The following QKI variants were observed in gnomAD, a reference collection of about 807,000 sequenced individuals.
The protein encoded by QKI is QKI, KH domain containing RNA binding.
QKI carries 10 observed loss-of-function variants against 39.0 expected under a neutral mutation model. That is an observed-to-expected ratio of 0.26 (90% confidence interval 0.16 to 0.43). The LOEUF (loss-of-function observed/expected upper bound fraction) is 0.43. Among genes scored for constraint, QKI ranks in the 20% least tolerant of loss-of-function variants. The pLI is 1.00. For missense variants in QKI, 218 were observed against 428.0 expected, an observed-to-expected ratio of 0.51 and a Z score of 4.33; for synonymous variants, 204 against 155.4, an observed-to-expected ratio of 1.31 and a Z score of -2.33.
chr6:163,521,605 C>G (rs1364730959), intron 3 of QKI, among the ~76,000 whole-genome samples: 1 of 152,138 alleles, frequency 6.6e-6, no homozygotes, highest in African/African-American at 2.4e-5. Context: ...TCACTGCAAC[C>G]TCTGCCTCCT....
intron 1 of QKI, among the ~76,000 whole-genome samples, chr6:163,451,664 G>T (rs1022850452): frequency 6.6e-6 from 1 of 152,136 alleles, no homozygotes; most frequent in Admixed American, 6.5e-5. Context: ...TGTACTATGC[G>T]TGATTAAGCA....
intron 2 of QKI, among the ~76,000 whole-genome samples, chr6:163,471,503 A>G (rs1255158282): frequency 6.6e-6 from 1 of 152,170 alleles, no homozygotes; most frequent in Non-Finnish European, 1.5e-5. Context: ...AAACAAAGGC[A>G]TATAAACTGG....
At position 163,415,268 on chromosome 6, in the gene QKI, G is replaced by A; in HGVS notation, c.75G>A (p.Lys25=). 1 of 1,597,512 alleles carries A rather than the reference G, an allele frequency of 6.3e-7. No homozygotes were observed. Among genetic ancestry groups the A allele is most frequent in the Admixed American group, 1.7e-5 (1 of 58,926 alleles). ...ACCTGATGCAGCTGATGAACGACAAGAAGCTCATGAGCAGCCTGCCCAACT... is the reference window on the plus strand; with the variant it reads ...ACCTGATGCAGCTGATGAACGACAAAAAGCTCATGAGCAGCCTGCCCAACT... ...PDYLMQLMND[K]KLMSSLPNFC... The change falls in exon 1 of 8, where the codon AAG becomes AAA. Residue 25 remains lysine, a synonymous_variant. Transcript: ENST00000361752.
chr6:163,442,100 C>T (rs912748563), intron 1 of QKI, among the ~76,000 whole-genome samples: 1 of 152,050 alleles, frequency 6.6e-6, no homozygotes, highest in South Asian at 2.1e-4. Context: ...CCAGAGGCTG[C>T]GTGCTATGTG....
chr6:163,488,396 A>C (rs903803581), intron 3 of QKI, among the ~76,000 whole-genome samples: 1 of 152,174 alleles, frequency 6.6e-6, no homozygotes, highest in Non-Finnish European at 1.5e-5. Context: ...AGTGATTCTC[A>C]TTATTGTAGG....
chr6:163,565,502 T>TA, intron 6 of QKI: 1 of 988,298 alleles, frequency 1.0e-6, no homozygotes, highest in Middle Eastern at 5.2e-4. Context: ...GGCACTGCAG[T>TA]AAAACTTGTT....
intron 1 of QKI, among the ~76,000 whole-genome samples, chr6:163,448,840 T>G (rs892102711): frequency 6.6e-6 from 1 of 152,078 alleles, no homozygotes; most frequent in Admixed American, 6.5e-5. Flanking sequence ...CACAGTGAAG[T>G]TAAATTCCAT....
At chr6:163,517,825 TGATATTAAAG>T (rs147000821) in intron 3 of QKI, among the ~76,000 whole-genome samples, 3,258 of 152,270 alleles carry the variant, frequency 0.021, 63 homozygotes, top group Non-Finnish European at 0.033. Context: ...TTTTGTCGAT[TGATATTAAAG>T]GATATTTTCA....
At chr6:163,555,864 CTAAA>C (rs1288972126) in intron 4 of QKI, among the ~76,000 whole-genome samples, 1 of 152,000 alleles carries the variant, frequency 6.6e-6, no homozygotes, top group East Asian at 1.9e-4. Flanking sequence ...TCTAAAAATA[CTAAA>C]TAAACATGAT....
Position 163,565,833 on chromosome 6 carries a change from C to T in QKI, c.935-888C>T, listed in dbSNP as rs1004694833. On this transcript the variant is annotated intron_variant, in intron 6 of 7. Transcript: ENST00000361752. The stretch of plus-strand genomic sequence containing the variant: ...TCACATTAAATTATTTTAAAATAAG[C>T]AGTGCCCTTCAAAACAGATGCAGAC... 1.7e-5 allele frequency: 24 copies of T among 1,441,464 alleles called. No homozygotes were observed. The Middle Eastern group carries it at 5.6e-4, about 34-fold the overall frequency. The allele number at this position is 1,441,464 out of a possible 1,614,324, so 89.3% of individuals were successfully genotyped here. A position where few individuals can be genotyped will look rare whatever the true frequency, so the allele number is the denominator to read the frequency against.
intron 3 of QKI, among the ~76,000 whole-genome samples, chr6:163,511,329 G>A (rs1779462588): frequency 6.6e-6 from 1 of 151,898 alleles, no homozygotes; most frequent in South Asian, 2.1e-4. Flanking sequence ...AAACAGCAAG[G>A]TAAACCCAAG....
Position 163,575,280 on chromosome 6 carries a change from C to T in QKI, c.*4570C>T, listed in dbSNP as rs917819856. On this transcript the variant is annotated 3_prime_UTR_variant, in exon 8 of 8. Transcript: ENST00000361752. ...TATTCTCTGAAGCCTATGAATGCAG[C>T]CTCATCTCATTTTCAGTTAAGGGTA... 1.3e-5 allele frequency: 2 copies of T among 152,062 alleles called. No individual in the cohort carries two copies. The highest frequency in any genetic ancestry group is 4.8e-5 in the African/African-American group (2 of 41,394). 9.4% of individuals were successfully genotyped at this position (152,062 alleles called of 1,614,324 possible).
At chr6:163,541,630 G>A (rs1287453897) in intron 4 of QKI, among the ~76,000 whole-genome samples, 1 of 151,634 alleles carries the variant, frequency 6.6e-6, no homozygotes, top group East Asian at 1.9e-4. Context: ...AGAATTTGGT[G>A]TACACATGTA....
At chr6:163,525,606 C>G (rs1018035148) in intron 3 of QKI, among the ~76,000 whole-genome samples, 2 of 152,164 alleles carry the variant, frequency 1.3e-5, no homozygotes, top group South Asian at 2.1e-4. Context: ...ATCCTCCCCC[C>G]TCCCCGCCTC....
chr6:163,561,704 T>C (rs1583225097), intron 4 of QKI, among the ~76,000 whole-genome samples: 1 of 152,174 alleles, frequency 6.6e-6, no homozygotes, highest in African/African-American at 2.4e-5. Context: ...TTCATTTCTA[T>C]TTAAAAGTAA....
chr6:163,563,173 G>T (rs1481253122), intron 5 of QKI, among the ~76,000 whole-genome samples: 1 of 152,076 alleles, frequency 6.6e-6, no homozygotes, highest in Non-Finnish European at 1.5e-5. Flanking sequence ...CTATTTAATG[G>T]TGTCATTCAT....
intron 3 of QKI, among the ~76,000 whole-genome samples, 170 bp downstream of exon 3, chr6:163,479,066 G>A (rs1182588084): frequency 6.6e-6 from 1 of 152,064 alleles, no homozygotes; most frequent in Admixed American, 6.5e-5. Flanking sequence ...CAGGCGGATC[G>A]TCTGAGGTCA....
intron 3 of QKI, among the ~76,000 whole-genome samples, chr6:163,492,253 A>G (rs58111601): frequency 0.02 from 3,085 of 152,286 alleles, 104 homozygotes; most frequent in African/African-American, 0.07. Flanking sequence ...ATCCTATTCT[A>G]TCCTATTAGT....
At chr6:163,452,713 T>A (rs813640) in intron 1 of QKI, among the ~76,000 whole-genome samples, 1 of 152,108 alleles carries the variant, frequency 6.6e-6, no homozygotes, top group Non-Finnish European at 1.5e-5. Context: ...GAGGACTGTT[T>A]GTTTTATACA....
Sources: gnomAD v4.1 joint callset for allele counts (sites outside exome capture counted in the v4.1 genomes callset) on GRCh38, gnomAD v4.1.1 for gene constraint, MANE v1.5 for transcripts, NCBI Gene and HGNC (gene_info 2026-07-23, HGNC 2026-07-21) for gene names.